COPG2: variants seen among roughly 807,000 people sequenced by gnomAD.
COPG2 encodes coatomer subunit gamma-2.
Under a neutral mutation model 46.3 loss-of-function variants are expected in COPG2, and 37 were observed. The ratio of observed to expected loss-of-function variants is 0.80; its 90% CI spans 0.61 to 1.05. COPG2 has a LOEUF of 1.05. Ranked by LOEUF, COPG2 falls within the 50% of genes least tolerant of loss-of-function variation. COPG2 has a pLI of 0.00. For synonymous variants in COPG2, 159 were observed against 129.7 expected (o/e 1.23, Z -1.53); for missense variants, 427 against 387.8 (o/e 1.10, Z -0.85).
At chr7:130,585,965 G>A (rs1004280011) in intron 9 of COPG2, among the ~76,000 whole-genome samples, 4 of 151,982 alleles carry the variant, frequency 2.6e-5, no homozygotes, top group Admixed American at 6.6e-5. Context: ...ATCCCACTAC[G>A]CAGTATCTAC....
intron 20 of COPG2, among the ~76,000 whole-genome samples, chr7:130,532,524 GGA>G (rs1350087618): frequency 1.3e-5 from 2 of 152,104 alleles, no homozygotes; most frequent in Non-Finnish European, 2.9e-5. Context: ...AGGCAGGGCA[GGA>G]GAGTCAGGTT....
intron 5 of COPG2, among the ~76,000 whole-genome samples, chr7:130,618,162 G>A (rs376363613): frequency 8.1e-4 from 118 of 145,330 alleles, no homozygotes; most frequent in African/African-American, 2.7e-3. Flanking sequence ...ATTTTGTAGC[G>A]TGGGCATTTT....
At chr7:130,578,665 A>G (rs1363449469) in intron 9 of COPG2, among the ~76,000 whole-genome samples, 1 of 152,226 alleles carries the variant, frequency 6.6e-6, no homozygotes, top group Non-Finnish European at 1.5e-5. Flanking sequence ...GAGGTGATGG[A>G]GCTGAAAACC....
chr7:130,661,544 A>C (rs1445487175), intron 4 of COPG2, among the ~76,000 whole-genome samples: 1 of 152,242 alleles, frequency 6.6e-6, no homozygotes, highest in Non-Finnish European at 1.5e-5. Context: ...AGAAGTCCTT[A>C]AAGATATGAA....
chr7:130,657,705 AT>A (rs528367748), intron 4 of COPG2, among the ~76,000 whole-genome samples: 7 of 152,310 alleles, frequency 4.6e-5, no homozygotes, highest in African/African-American at 1.7e-4. Flanking sequence ...AAACAATCCA[AT>A]TTTTTTAATG....
intron 5 of COPG2, among the ~76,000 whole-genome samples, chr7:130,632,345 G>C (rs1299897584): frequency 1.3e-5 from 2 of 152,142 alleles, no homozygotes; most frequent in African/African-American, 4.8e-5. Flanking sequence ...TATATGTAAT[G>C]AATCATGTTC....
rs1794839973 is a variant in COPG2 at position 130,611,100 on chromosome 7, A to C, written c.590T>G (p.Leu197Trp). ...SDNIMVQYHA[L>W]GVLYHLRKND... ...CTTTCTAAGGTGATACAGGACTCCC[A>C]ATGCATGGTACTAAAGAACATGAAA... Residue 197 changes from leucine (L) to tryptophan (W), a missense_variant, in exon 9 of 24, where the codon TTG becomes TGG. Transcript: ENST00000425248. 6.2e-7 allele frequency: 1 copy of C among 1,613,480 alleles called. No individual in the cohort carries two copies. The highest frequency in any genetic ancestry group is 8.5e-7 in the Non-Finnish European group (1 of 1,179,664).
chr7:130,611,409 G>A (rs1201309532), intron 8 of COPG2, among the ~76,000 whole-genome samples: 2 of 152,096 alleles, frequency 1.3e-5, no homozygotes, highest in Non-Finnish European at 2.9e-5. Context: ...ACACGCTCTC[G>A]GGTCCAGGGC....
chr7:130,660,967 C>A (rs1554460652), intron 4 of COPG2, among the ~76,000 whole-genome samples: 2 of 152,336 alleles, frequency 1.3e-5, no homozygotes. Context: ...CCTCTGTTCA[C>A]TAACCTGGCA....
At chr7:130,582,631 G>A (rs1334659557) in intron 9 of COPG2, among the ~76,000 whole-genome samples, 137 of 149,274 alleles carry the variant, frequency 9.2e-4, no homozygotes, top group African/African-American at 3.0e-3. Context: ...AATCTACAAT[G>A]AACTCAAACA....
At chr7:130,521,850 G>A (rs2116347060) in intron 20 of COPG2, among the ~76,000 whole-genome samples, 2 of 152,202 alleles carry the variant, frequency 1.3e-5, no homozygotes, top group African/African-American at 4.8e-5. Context: ...AGATATGGAA[G>A]GGAAAAAGGG....
intron 9 of COPG2, among the ~76,000 whole-genome samples, chr7:130,596,522 C>T (rs561063112): frequency 1.3e-5 from 2 of 152,326 alleles, no homozygotes; most frequent in Admixed American, 6.5e-5. Flanking sequence ...TCCTACTCAA[C>T]CTTGAAAGCA....
chr7:130,593,059 CAATG>C (rs1294143061), intron 9 of COPG2, among the ~76,000 whole-genome samples: 2 of 152,240 alleles, frequency 1.3e-5, no homozygotes, highest in African/African-American at 4.8e-5. Flanking sequence ...AGTTTTCCTC[CAATG>C]AATATTACTC....
rs1793645810 is a variant in COPG2 at position 130,557,497 on chromosome 7, C to T, written c.1129-2365G>A. The stretch of plus-strand genomic sequence containing the variant: ...TTTTATGAAGCTAGACAACTTGATA[C>T]TAAAGTTCATTAGAAAAATAAACAT... On this transcript the variant is annotated intron_variant, in intron 12 of 23. Transcript: ENST00000425248. 3.3e-5 allele frequency among the ~76,000 whole-genome samples: 5 copies of T among 152,034 alleles called. No individual in the cohort carries two copies. In the South Asian group the frequency reaches 1.0e-3, roughly 32 times the overall value.
intron 9 of COPG2, among the ~76,000 whole-genome samples, chr7:130,577,784 A>C (rs368521833): frequency 8.2e-4 from 123 of 150,422 alleles, no homozygotes; most frequent in African/African-American, 1.8e-3. Context: ...AAAAAAAAAA[A>C]AAAACAAAAA....
At chr7:130,538,686 G>GGGGGCCT (rs1799908193) in intron 20 of COPG2, among the ~76,000 whole-genome samples, 1 of 57,896 alleles carries the variant, frequency 1.7e-5, no homozygotes, top group African/African-American at 6.0e-5. Flanking sequence ...CTGGGGGCCT[G>GGGGGCCT]GGAGGGGATG....
chr7:130,638,506 G>A (rs894369887), intron 5 of COPG2, among the ~76,000 whole-genome samples: 1 of 152,052 alleles, frequency 6.6e-6, no homozygotes, highest in Non-Finnish European at 1.5e-5. Flanking sequence ...CAAACTTCTG[G>A]GCACCTTTGT....
chr7:130,583,493 TAAAAAAAAAAAAA>T (rs782593413), intron 9 of COPG2, among the ~76,000 whole-genome samples: 4 of 34,368 alleles, frequency 1.2e-4, no homozygotes, highest in Admixed American at 7.8e-4. Flanking sequence ...ACATAAAGTA[TAAAAAAAAAAAAA>T]AAAAAAAAAA....
At chr7:130,592,418 A>G (rs1794449577) in intron 9 of COPG2, among the ~76,000 whole-genome samples, 1 of 151,504 alleles carries the variant, frequency 6.6e-6, no homozygotes, top group Non-Finnish European at 1.5e-5. Context: ...AAAAGAGTCC[A>G]AATTTCTCAA....
Sources: allele counts gnomAD v4.1 joint callset (sites outside exome capture counted in the v4.1 genomes callset), GRCh38; gene constraint gnomAD v4.1.1; transcripts MANE v1.5; gene names NCBI Gene and HGNC (gene_info 2026-07-23, HGNC 2026-07-21).